CEP57: variants seen among roughly 807,000 people sequenced by gnomAD.
CEP57 encodes the protein centrosomal protein 57.
In CEP57, 40 loss-of-function variants were observed where a neutral mutation model predicts 68.0. That is an observed-to-expected ratio of 0.59 (90% CI 0.46 to 0.77). The LOEUF (loss-of-function observed/expected upper bound fraction) is 0.77, where lower values mean the gene tolerates loss of function less well. Ranked by LOEUF, CEP57 falls within the 30% of genes least tolerant of loss-of-function variation. The pLI, the probability that CEP57 is intolerant of heterozygous loss-of-function variation, is 0.00. For missense variants in CEP57, 606 were observed against 580.7 expected, an observed-to-expected ratio of 1.04 and a Z score of -0.45; for synonymous variants, 219 against 198.7, an observed-to-expected ratio of 1.10 and a Z score of -0.86.
At chr11:95,820,723 C>A (rs2135348214) in intron 6 of CEP57, among the ~76,000 whole-genome samples, 1 of 151,966 alleles carries the variant, frequency 6.6e-6, no homozygotes, top group East Asian at 1.9e-4. Context: ...AATAAATAAA[C>A]TGGAAGTTAA....
In CEP57 at chr11:95,813,525, T is replaced by C. The variant is rs143361668; in HGVS notation, c.440T>C (p.Leu147Ser). The C allele has an allele frequency of 5.6e-5, 90 of 1,613,036 alleles. No homozygotes were observed. Among genetic ancestry groups the C allele is most frequent in the Non-Finnish European group, 7.5e-5 (88 of 1,179,952 alleles). Residue 147 changes from leucine (L) to serine (S), a missense_variant, in exon 4 of 11, where the codon TTG becomes TCG. Physicochemically the swap from Leu to Ser is moderately radical, Grantham distance 145. Transcript: ENST00000325542. ...ENKCNLLEKQ[L>S]EYMRNMIKHA... ...AAATGCAATCTATTAGAAAAACAATTGGAATACATGCGAAATATGATAAAG... is the reference window on the plus strand; with the variant it reads ...AAATGCAATCTATTAGAAAAACAATCGGAATACATGCGAAATATGATAAAG...
At chr11:95,806,015 G>A (rs1421687045) in intron 2 of CEP57, among the ~76,000 whole-genome samples, 1 of 152,106 alleles carries the variant, frequency 6.6e-6, no homozygotes, top group Non-Finnish European at 1.5e-5. Flanking sequence ...AGTATATAAA[G>A]AAAGAAAACA....
intron 8 of CEP57, among the ~76,000 whole-genome samples, chr11:95,825,436 C>T (rs927717623): frequency 2.0e-5 from 3 of 152,034 alleles, no homozygotes; most frequent in African/African-American, 2.4e-5. Flanking sequence ...CAGTAGACAC[C>T]ATGATAGAGG....
chr11:95,796,184 T>G (rs1242901121), intron 1 of CEP57, among the ~76,000 whole-genome samples: 1 of 152,256 alleles, frequency 6.6e-6, no homozygotes, highest in Non-Finnish European at 1.5e-5. Context: ...TAAATTATGC[T>G]TCATACTTCA....
At position 95,814,643 on chromosome 11, in the gene CEP57, A is replaced by G. The variant is rs181071259; in HGVS notation, c.504+1054A>G. Among the ~76,000 whole-genome samples the G allele has an allele frequency of 7.8e-3, 1,194 of 152,236 alleles. 3 individuals carry two copies. The highest frequency in any genetic ancestry group is 0.013 in the Non-Finnish European group (862 of 68,012). On this transcript the variant is annotated intron_variant, in intron 4 of 10. Coordinates refer to ENST00000325542, the MANE Select transcript of CEP57 (RefSeq NM_014679.5). ...CCAGAGTGCTGGAATTACAGGCATG[A>G]GCCACCACGCCCGGCCAGCCTTGTG...
At chr11:95,791,139 A>T (rs1304945136) in intron 1 of CEP57, among the ~76,000 whole-genome samples, 2 of 152,106 alleles carry the variant, frequency 1.3e-5, no homozygotes. Context: ...CAGTGTGTTT[A>T]AGAGACGTTG....
chr11:95,818,584 G>A (rs1332817392), intron 5 of CEP57, among the ~76,000 whole-genome samples: 1 of 152,076 alleles, frequency 6.6e-6, no homozygotes, highest in Non-Finnish European at 1.5e-5. Context: ...TTCATGCAGT[G>A]CTGTGTTCTT....
chr11:95,828,598 TAACTG>T (rs1488111182), intron 9 of CEP57, among the ~76,000 whole-genome samples: 36 of 152,332 alleles, frequency 2.4e-4, no homozygotes, highest in African/African-American at 8.7e-4. Flanking sequence ...TAGCTAAACT[TAACTG>T]ATAAGACATG....
chr11:95,823,501 CTA>C (rs1313978175), intron 8 of CEP57, among the ~76,000 whole-genome samples: 3 of 151,962 alleles, frequency 2.0e-5, no homozygotes, highest in Non-Finnish European at 4.4e-5. Flanking sequence ...ATAAAATTGA[CTA>C]TGTCAATACT....
At chr11:95,819,407 G>A (rs1448952839) in intron 6 of CEP57, among the ~76,000 whole-genome samples, 2 of 152,166 alleles carry the variant, frequency 1.3e-5, no homozygotes, top group Non-Finnish European at 2.9e-5. Flanking sequence ...ATCCCATGCA[G>A]TGGCCACCAG....
chr11:95,808,009 A>C lies in CEP57; in HGVS notation c.203-4923A>C, dbSNP rs185152249. Among the ~76,000 whole-genome samples, 23 of 152,348 alleles carry C rather than the reference A, an allele frequency of 1.5e-4. No homozygotes were observed. In the East Asian group the frequency reaches 4.2e-3, roughly 28 times the overall value. On this transcript the variant is annotated intron_variant, in intron 2 of 10. Coordinates refer to ENST00000325542, the MANE Select transcript of CEP57 (RefSeq NM_014679.5). ...CTGCAAAGGGAAGCCCATCAGACTA[A>C]CAGCAGATCTCTCGGCAGAAACTAC...
chr11:95,794,402 T>G (rs1861242998), intron 1 of CEP57: 3 of 445,310 alleles, frequency 6.7e-6, no homozygotes, highest in African/African-American at 6.0e-5. Flanking sequence ...TAAATTGTTT[T>G]ACCAAGTGAT....
intron 4 of CEP57, among the ~76,000 whole-genome samples, chr11:95,813,897 T>C (rs897415298): frequency 6.6e-6 from 1 of 152,248 alleles, no homozygotes; most frequent in Non-Finnish European, 1.5e-5. Context: ...GAAATTTGTT[T>C]AATGACTCCA....
At chr11:95,813,773 C>T (rs930806502) in intron 4 of CEP57, among the ~76,000 whole-genome samples, 184 bp downstream of exon 4, 2 of 152,042 alleles carry the variant, frequency 1.3e-5, no homozygotes, top group African/African-American at 4.8e-5. Flanking sequence ...TGTTGTGTTT[C>T]GTAGAGTTTT....
intron 6 of CEP57, among the ~76,000 whole-genome samples, chr11:95,820,841 TATA>T (rs1862492415): frequency 6.6e-6 from 1 of 152,192 alleles, no homozygotes; most frequent in South Asian, 2.1e-4. Flanking sequence ...ATTTACTATA[TATA>T]AAGCAATGTT....
intron 10 of CEP57, among the ~76,000 whole-genome samples, chr11:95,830,342 A>G (rs78029652): frequency 3.7e-3 from 562 of 152,318 alleles, no homozygotes; most frequent in Non-Finnish European, 5.7e-3. Context: ...AAGTTCATGT[A>G]TGAAAAAGAA....
At chr11:95,800,804 T>C (rs1861545021) in intron 2 of CEP57, among the ~76,000 whole-genome samples, 1 of 152,224 alleles carries the variant, frequency 6.6e-6, no homozygotes, top group Admixed American at 6.5e-5. Context: ...AATGAAAAGA[T>C]GGTTTTGATA....
upstream of CEP57, chr11:95,790,460 T>C: frequency 1.7e-6 from 1 of 591,064 alleles, no homozygotes; most frequent in Non-Finnish European, 3.0e-6. Context: ...TCTGCTGTTT[T>C]GATTGGCTAG....
intron 1 of CEP57, among the ~76,000 whole-genome samples, chr11:95,798,933 A>G (rs1861458338): frequency 6.6e-6 from 1 of 152,172 alleles, no homozygotes; most frequent in African/African-American, 2.4e-5. Context: ...ATTTCACAGT[A>G]TATATTTTTA....
Sources: allele counts gnomAD v4.1 joint callset (sites outside exome capture counted in the v4.1 genomes callset), GRCh38; gene constraint gnomAD v4.1.1; transcripts MANE v1.5; gene names NCBI Gene and HGNC (gene_info 2026-07-23, HGNC 2026-07-21).